The following ABCA13 variants were observed in gnomAD, a reference collection of about 807,000 sequenced individuals.
The protein encoded by ABCA13 is ATP-binding cassette sub-family A member 13.
In ABCA13, 476 loss-of-function variants were observed where a neutral mutation model predicts 478.7. The observed-to-expected ratio is 0.99, with a 90% CI of 0.92 to 1.07. ABCA13 has a LOEUF of 1.07. Among genes scored for constraint, ABCA13 ranks in the 50% least tolerant of loss-of-function variants. The pLI is 0.00. For synonymous variants in ABCA13, 2,252 were observed against 2,158.9 expected (o/e 1.04, Z -1.20); for missense variants, 6,060 against 5,910.6 (o/e 1.03, Z -0.83).
intron 37 of ABCA13, 29 bp downstream of exon 37, chr7:48,389,249 C>T (rs1365914716): frequency 6.3e-7 from 1 of 1,582,644 alleles, no homozygotes; most frequent in African/African-American, 1.4e-5. Context: ...TTATCAAACA[C>T]TGGGCATTTG....
Position 48,271,872 on chromosome 7 carries a change from T to C in ABCA13, c.2206T>C (p.Phe736Leu). 5 of 1,607,678 alleles carry C rather than the reference T, an allele frequency of 3.1e-6. No homozygotes were observed. The highest frequency in any genetic ancestry group is 2.5e-6 in the Non-Finnish European group (3 of 1,176,548). Residue 736 changes from phenylalanine to leucine, a missense_variant, in exon 17 of 62, where the codon TTT becomes CTT. Around this residue, in one of 3 missense-constraint regions of ABCA13, gnomAD observed 4,423 missense variants for 4,309.1 expected, o/e 1.03. Coordinates refer to ENST00000435803, the MANE Select transcript of ABCA13 (RefSeq NM_152701.5). ...TGAACAAATGAACTTTCTTTTATCA[T>C]TTGTGGAATTTTTTGAGAAATTATT... ...EDEQMNFLLSFVEFFEKLLLP... is the reference protein window; with the variant it reads ...EDEQMNFLLSLVEFFEKLLLP...
intron 15 of ABCA13, among the ~76,000 whole-genome samples, chr7:48,267,562 C>A (rs1318582047): frequency 6.6e-6 from 1 of 152,008 alleles, no homozygotes; most frequent in East Asian, 1.9e-4. Context: ...CTTGTTTTAT[C>A]CAATCTTACA....
chr7:48,496,154 CCT>C (rs1394878740), intron 48 of ABCA13, among the ~76,000 whole-genome samples: 1 of 151,866 alleles, frequency 6.6e-6, no homozygotes, highest in Non-Finnish European at 1.5e-5. Context: ...TTTTATGTTT[CCT>C]CTGTTTCTCT....
Position 48,317,399 on chromosome 7 carries a change from A to G in ABCA13, c.9999+103A>G, listed in dbSNP as rs1021113529. On this transcript the variant is annotated intron_variant, in intron 27 of 61. Coordinates refer to ENST00000435803, the MANE Select transcript of ABCA13 (RefSeq NM_152701.5). ...AATTATTATGCGCCTTGGATTATGT[A>G]GAAGGCTCTTGTTTTGAATCTACTT... 7.2e-6 allele frequency: 9 copies of G among 1,256,288 alleles called. No homozygotes were observed. The African/African-American group carries it at 7.7e-5, about 11-fold the overall frequency. 77.8% of individuals were successfully genotyped at this position (1,256,288 alleles called of 1,614,324 possible).
At chr7:48,372,527 A>AAC in intron 33 of ABCA13, 30 bp downstream of exon 33, 1 of 1,503,858 alleles carries the variant, frequency 6.6e-7, no homozygotes, top group Non-Finnish European at 8.9e-7. Flanking sequence ...AAAAAAAAAA[A>AAC]AAAAAACAAC....
chr7:48,376,208 G>T (rs1237500195), intron 34 of ABCA13, among the ~76,000 whole-genome samples: 1 of 152,122 alleles, frequency 6.6e-6, no homozygotes, highest in Non-Finnish European at 1.5e-5. Flanking sequence ...ACTTTTTAAA[G>T]TATTAGATAT....
At chr7:48,336,751 G>A (rs916359827) in intron 28 of ABCA13, among the ~76,000 whole-genome samples, 1 of 152,206 alleles carries the variant, frequency 6.6e-6, no homozygotes, top group African/African-American at 2.4e-5. Context: ...CATTCTCACA[G>A]CGACCATGGC....
At chr7:48,252,197 A>G (rs1299252614) in intron 15 of ABCA13, among the ~76,000 whole-genome samples, 2 of 148,968 alleles carry the variant, frequency 1.3e-5, no homozygotes, top group Non-Finnish European at 3.0e-5. Flanking sequence ...GGCTGTGTTC[A>G]TTTTTTTTTC....
chr7:48,398,139 T>C (rs1008539398), intron 38 of ABCA13, among the ~76,000 whole-genome samples: 1 of 152,206 alleles, frequency 6.6e-6, no homozygotes, highest in African/African-American at 2.4e-5. Context: ...TTATGGACTA[T>C]ATATTATGAG....
chr7:48,172,105 C>CA (rs892112084), intron 1 of ABCA13, among the ~76,000 whole-genome samples: 83 of 152,302 alleles, frequency 5.4e-4, no homozygotes, highest in African/African-American at 1.7e-3. Context: ...TGGAATTGTT[C>CA]AAATGAAACT....
At chr7:48,219,598 C>G (rs1261484872) in intron 4 of ABCA13, 93 bp downstream of exon 4, 15 of 1,453,980 alleles carry the variant, frequency 1.0e-5, no homozygotes, top group East Asian at 7.0e-5. Flanking sequence ...GCTAAATGCT[C>G]AACTCCTGCC....
chr7:48,273,866 C>A lies in ABCA13; in HGVS notation c.4200C>A (p.Val1400=). The change falls in exon 17 of 62, where the codon GTC becomes GTA. Residue 1400 remains valine (V), a synonymous_variant. Transcript: ENST00000435803. The part of the protein sequence containing the change: ...SLKGCIVWLD[V]INHLYLLSNS... ...AAGGATGCATTGTATGGTTAGATGT[C>A]ATAAACCATTTGTATTTGTTGTCTA... 6.2e-7 allele frequency: 1 copy of A among 1,612,432 alleles called. No homozygotes were observed. Among genetic ancestry groups the A allele is most frequent in the South Asian group, 1.1e-5 (1 of 90,928 alleles).
At chr7:48,637,381 CAAA>C (rs1156643955) in intron 59 of ABCA13, among the ~76,000 whole-genome samples, 2,124 of 20,094 alleles carry the variant, frequency 0.11, 10 homozygotes, top group East Asian at 0.16. Flanking sequence ...GTTCATAAAG[CAAA>C]AAAAAAAAAA....
chr7:48,350,864 T>C (rs1291672131), intron 30 of ABCA13, 45 bp downstream of exon 30: 3 of 1,567,354 alleles, frequency 1.9e-6, no homozygotes, highest in Non-Finnish European at 2.6e-6. Context: ...TGCCAACTCC[T>C]GTAAGTTGTC....
chr7:48,355,339 G>A (rs1323995613), intron 31 of ABCA13, among the ~76,000 whole-genome samples: 4 of 151,930 alleles, frequency 2.6e-5, no homozygotes, highest in Non-Finnish European at 5.9e-5. Flanking sequence ...CCCATGCAAA[G>A]GCCCTGTGGT....
At chr7:48,524,206 T>C (rs1334441539) in intron 53 of ABCA13, 42 bp from the exon 54 acceptor site, 1 of 1,565,288 alleles carries the variant, frequency 6.4e-7, no homozygotes, top group African/African-American at 1.4e-5. Context: ...TATTCTGGTA[T>C]CATTTGCTAG....
At chr7:48,321,712 A>G (rs1251414545) in intron 27 of ABCA13, among the ~76,000 whole-genome samples, 1 of 152,184 alleles carries the variant, frequency 6.6e-6, no homozygotes, top group Non-Finnish European at 1.5e-5. Context: ...CTCAGCACCA[A>G]GCTGGCCTAG....
intron 15 of ABCA13, among the ~76,000 whole-genome samples, chr7:48,267,584 T>G (rs1033492962): frequency 3.9e-5 from 6 of 152,174 alleles, no homozygotes; most frequent in Non-Finnish European, 8.8e-5. Context: ...ATTTTGCCTT[T>G]TTTTGAGCAT....
chr7:48,545,668 T>A, intron 55 of ABCA13, among the ~76,000 whole-genome samples: 1 of 150,774 alleles, frequency 6.6e-6, no homozygotes, highest in South Asian at 2.1e-4. Context: ...AAAAGGAGAA[T>A]TGGCACACAA....
Sources: allele counts gnomAD v4.1 joint callset (sites outside exome capture counted in the v4.1 genomes callset), GRCh38; gene constraint gnomAD v4.1.1; regional missense constraint gnomAD v4.1.1; transcripts MANE v1.5; gene names NCBI Gene and HGNC (gene_info 2026-07-23, HGNC 2026-07-21).